Variants in ARID2 observed in about 807,000 individuals in gnomAD.
The protein encoded by ARID2 is AT-rich interaction domain 2, also known as AT-rich interactive domain-containing protein 2.
A neutral mutation model predicts 184.6 loss-of-function variants in ARID2; 32 were observed. The ratio of observed to expected loss-of-function variants is 0.17; its 90% CI spans 0.13 to 0.23. The LOEUF (loss-of-function observed/expected upper bound fraction) is 0.23, where lower values mean the gene tolerates loss of function less well. Ranked by LOEUF, ARID2 falls within the 10% of genes least tolerant of loss-of-function variation. The probability of loss-of-function intolerance (pLI) is 1.00; values close to 1 mark genes in which losing one functional copy is unlikely to be tolerated. For missense variants in ARID2, 1,696 were observed against 2,197.6 expected, an observed-to-expected ratio of 0.77 and a Z score of 4.56; for synonymous variants, 836 against 772.6, an observed-to-expected ratio of 1.08 and a Z score of -1.36.
intron 3 of ARID2, among the ~76,000 whole-genome samples, chr12:45,809,133 G>A (rs1358707779): frequency 1.3e-5 from 2 of 152,000 alleles, no homozygotes; most frequent in African/African-American, 4.8e-5. Flanking sequence ...TCCTAAACCT[G>A]TTATTTAATG....
chr12:45,749,258 G>A (rs1455182418), intron 3 of ARID2, among the ~76,000 whole-genome samples: 1 of 152,208 alleles, frequency 6.6e-6, no homozygotes, highest in Non-Finnish European at 1.5e-5. Context: ...ATCTCCATCA[G>A]ACCTCTTGGG....
At chr12:45,746,158 T>C (rs1177092985) in intron 3 of ARID2, among the ~76,000 whole-genome samples, 1 of 151,208 alleles carries the variant, frequency 6.6e-6, no homozygotes, top group African/African-American at 2.4e-5. Context: ...GGCTGGAGAA[T>C]GAAGAGTAGT....
At chr12:45,831,841 C>T (rs1943129117) in intron 6 of ARID2, among the ~76,000 whole-genome samples, 1 of 152,186 alleles carries the variant, frequency 6.6e-6, no homozygotes, top group Non-Finnish European at 1.5e-5. Context: ...GTTGCATACA[C>T]ATTTACAGTT....
rs144330948 is a variant in ARID2 at position 45,835,925 on chromosome 12, G to C, written c.706-664G>C. Among the ~76,000 whole-genome samples, 1,319 of 151,236 alleles carry C rather than the reference G, an allele frequency of 8.7e-3. 20 individuals carry two copies. Among genetic ancestry groups the C allele is most frequent in the South Asian group, 0.052 (243 of 4,664 alleles). ...CAAAAAAAAAAACAAAAACAAAAAA[G>C]AAATGTCAAATTTCCAGTAGTGTTT... On this transcript the variant is annotated intron_variant, in intron 6 of 20. Coordinates refer to ENST00000334344, the MANE Select transcript of ARID2 (RefSeq NM_152641.4).
chr12:45,814,029 T>G (rs757705905), intron 4 of ARID2, among the ~76,000 whole-genome samples: 18 of 152,172 alleles, frequency 1.2e-4, no homozygotes, highest in Non-Finnish European at 1.9e-4. Flanking sequence ...AACTCAATCA[T>G]TTTAATAAAG....
At chr12:45,754,991 A>G (rs1162910027) in intron 3 of ARID2, among the ~76,000 whole-genome samples, 4 of 152,238 alleles carry the variant, frequency 2.6e-5, no homozygotes, top group South Asian at 2.1e-4. Flanking sequence ...TAGAAACAAT[A>G]AAAAGGAAGA....
At chr12:45,736,357 A>G (rs923671923) in intron 3 of ARID2, among the ~76,000 whole-genome samples, 15 of 141,202 alleles carry the variant, frequency 1.1e-4, no homozygotes, top group South Asian at 8.7e-4. Context: ...ACTCCGTCTG[A>G]AAAAAAAAAA....
chr12:45,737,157 A>G (rs772169152), intron 3 of ARID2, among the ~76,000 whole-genome samples: 16 of 152,320 alleles, frequency 1.1e-4, no homozygotes, highest in Non-Finnish European at 1.8e-4. Context: ...TATTGCTGGA[A>G]TGGAAGTCTC....
At chr12:45,785,338 A>G (rs1487077062) in intron 3 of ARID2, among the ~76,000 whole-genome samples, 1 of 152,174 alleles carries the variant, frequency 6.6e-6, no homozygotes, top group Non-Finnish European at 1.5e-5. Flanking sequence ...GTGTTTAATA[A>G]TTGGTAACTA....
intron 3 of ARID2, among the ~76,000 whole-genome samples, chr12:45,775,265 G>A (rs930700400): frequency 6.6e-6 from 1 of 152,188 alleles, no homozygotes; most frequent in Admixed American, 6.5e-5. Context: ...TGCAGTGTTT[G>A]CCATCTCAGA....
intron 11 of ARID2, among the ~76,000 whole-genome samples, chr12:45,846,536 T>C (rs1943443959): frequency 6.6e-6 from 1 of 152,096 alleles, no homozygotes; most frequent in Non-Finnish European, 1.5e-5. Context: ...TAAGCAGATA[T>C]TGTAAAGTAT....
At chr12:45,826,668 C>G (rs1943008338) in intron 6 of ARID2, among the ~76,000 whole-genome samples, 1 of 152,048 alleles carries the variant, frequency 6.6e-6, no homozygotes. Context: ...GTCCTCCTGC[C>G]TCGGCCTCCC....
At chr12:45,757,084 G>A (rs1941585488) in intron 3 of ARID2, among the ~76,000 whole-genome samples, 2 of 152,050 alleles carry the variant, frequency 1.3e-5, no homozygotes, top group South Asian at 4.1e-4. Context: ...ATTATTATAA[G>A]GAAAAGGAGT....
rs540626657 is a variant in ARID2 at position 45,905,333 on chromosome 12, A to G, written c.*255A>G. The G allele has an allele frequency of 2.9e-5, 10 of 348,650 alleles. No homozygotes were observed. The highest frequency in any genetic ancestry group is 1.3e-4 in the Admixed American group (3 of 22,542). The allele number at this position is 348,650 out of a possible 1,614,324, so 21.6% of individuals were successfully genotyped here. Reference sequence around the variant, plus strand: ...GATTGTCAACCAGCTTATCTGCAGGATGTTTCAGATCTGATAAATCCTGAT... The same window carrying G: ...GATTGTCAACCAGCTTATCTGCAGGGTGTTTCAGATCTGATAAATCCTGAT... On this transcript the variant is annotated 3_prime_UTR_variant, in exon 21 of 21. Transcript: ENST00000334344.
intron 16 of ARID2, among the ~76,000 whole-genome samples, chr12:45,886,422 C>T (rs772125703): frequency 1.9e-4 from 29 of 152,190 alleles, no homozygotes; most frequent in African/African-American, 5.8e-4. Flanking sequence ...TGAGTGTCTG[C>T]GGTTTCTCCA....
At position 45,733,786 on chromosome 12, in the gene ARID2, C is replaced by T. The variant is rs1032518405; in HGVS notation, c.284+2472C>T. Among the ~76,000 whole-genome samples the T allele has an allele frequency of 2.0e-5, 3 of 152,240 alleles. No individual in the cohort carries two copies. The East Asian group carries it at 5.8e-4, about 29-fold the overall frequency. On this transcript the variant is annotated intron_variant, in intron 3 of 20. Coordinates refer to ENST00000334344, the MANE Select transcript of ARID2 (RefSeq NM_152641.4). ...TTGTTATTTTTGATACAAATATTGA[C>T]AGTCATTAAATATAGACTTGAGTAT...
At chr12:45,785,731 A>AC (rs923761634) in intron 3 of ARID2, among the ~76,000 whole-genome samples, 10 of 151,300 alleles carry the variant, frequency 6.6e-5, no homozygotes, top group Non-Finnish European at 1.0e-4. Context: ...ACACAAAAAC[A>AC]CCCCCCCAAA....
intron 11 of ARID2, among the ~76,000 whole-genome samples, chr12:45,843,983 G>C (rs988016668): frequency 6.6e-6 from 1 of 152,084 alleles, no homozygotes; most frequent in African/African-American, 2.4e-5. Context: ...CCATGAGTTC[G>C]TAATCTGAAT....
chr12:45,804,019 G>A (rs1052717717), intron 3 of ARID2, among the ~76,000 whole-genome samples: 2 of 152,212 alleles, frequency 1.3e-5, no homozygotes, highest in African/African-American at 4.8e-5. Context: ...AAGAGAGGGA[G>A]AGAGGAGACA....
Sources: allele counts gnomAD v4.1 joint callset (sites outside exome capture counted in the v4.1 genomes callset), GRCh38; gene constraint gnomAD v4.1.1; transcripts MANE v1.5; gene names NCBI Gene and HGNC (gene_info 2026-07-23, HGNC 2026-07-21).